Variants in SLIT3 observed in about 807,000 individuals in gnomAD.
The protein encoded by SLIT3 is slit homolog 3 protein.
Under a neutral mutation model 184.0 loss-of-function variants are expected in SLIT3, and 68 were observed. The ratio of observed to expected loss-of-function variants is 0.37; its 90% CI spans 0.30 to 0.45. The LOEUF is 0.45. SLIT3 is among the 20% of genes least tolerant of loss of function. SLIT3 has a pLI of 1.00. For synonymous variants in SLIT3, 831 were observed against 828.6 expected, an observed-to-expected ratio of 1.00 and a Z score of -0.05; for missense variants, 1,707 against 2,026.0, an observed-to-expected ratio of 0.84 and a Z score of 3.02.
At chr5:169,081,364 A>G (rs1390286539) in intron 4 of SLIT3, among the ~76,000 whole-genome samples, 1 of 152,154 alleles carries the variant, frequency 6.6e-6, no homozygotes, top group Non-Finnish European at 1.5e-5. Context: ...CCTGGGCCAA[A>G]TGGAACCAGA....
intron 4 of SLIT3, among the ~76,000 whole-genome samples, chr5:169,003,954 C>G (rs1755816337): frequency 6.6e-6 from 1 of 152,110 alleles, no homozygotes; most frequent in Admixed American, 6.5e-5. Context: ...GGTTCCTCTT[C>G]CATAAAAAAC....
rs140643965 is a variant in SLIT3, at chr5:168,806,485, A to G, written c.896T>C (p.Met299Thr). ...NIVDCRGKGL[M>T]EIPANLPEGI... is the part of the protein sequence containing the mutation. ...CTCCGGCAAGTTGGCAGGAATCTCC[A>G]TCAAGCCCTTTCCTCGACAGTCCAC... Residue 299 changes from methionine to threonine, a missense_variant, in exon 9 of 36, where the codon ATG becomes ACG. Met to Thr is a moderately conservative substitution (Grantham distance 81). Around this residue, in one of 3 missense-constraint regions of SLIT3, gnomAD observed 1,307 missense variants for 1,511.6 expected, o/e 0.86. Transcript: ENST00000519560. The G allele has an allele frequency of 1.5e-4, 247 of 1,614,082 alleles. No homozygotes were observed. Among genetic ancestry groups the G allele is most frequent in the Admixed American group, 7.5e-4 (45 of 60,006 alleles).
At chr5:168,822,508 T>G (rs1757564569) in intron 7 of SLIT3, among the ~76,000 whole-genome samples, 2 of 152,264 alleles carry the variant, frequency 1.3e-5, no homozygotes, top group South Asian at 4.1e-4. Context: ...GTATCAAGTC[T>G]GAACCTCTCT....
At chr5:168,795,725 C>T in intron 9 of SLIT3, 147 bp from the exon 10 acceptor site, 1 of 669,416 alleles carries the variant, frequency 1.5e-6, no homozygotes, top group South Asian at 1.7e-5. Context: ...AGACAAAACA[C>T]TGCAGCAGTC....
At chr5:168,826,483 G>A (rs2113676587) in intron 6 of SLIT3, among the ~76,000 whole-genome samples, 1 of 152,330 alleles carries the variant, frequency 6.6e-6, no homozygotes, top group East Asian at 1.9e-4. Context: ...ATTCAATGAA[G>A]GAATTGTTGT....
chr5:169,284,300 C>G (rs1473715313), intron 1 of SLIT3, among the ~76,000 whole-genome samples: 1 of 152,210 alleles, frequency 6.6e-6, no homozygotes, highest in Non-Finnish European at 1.5e-5. Flanking sequence ...CTGTCCCGGG[C>G]AGCTTACCTG....
chr5:168,734,046 T>G (rs960015987), intron 20 of SLIT3, among the ~76,000 whole-genome samples: 1 of 152,020 alleles, frequency 6.6e-6, no homozygotes, highest in Non-Finnish European at 1.5e-5. Flanking sequence ...GGTAGGAGGG[T>G]GCTGAGGGCT....
intron 4 of SLIT3, among the ~76,000 whole-genome samples, chr5:168,999,380 T>G (rs551174713): frequency 4.9e-4 from 74 of 152,264 alleles, no homozygotes; most frequent in African/African-American, 1.7e-3. Flanking sequence ...TCTGATTGGA[T>G]AAACAGTAAT....
intron 4 of SLIT3, among the ~76,000 whole-genome samples, chr5:169,147,866 C>T (rs948453923): frequency 3.9e-5 from 6 of 152,210 alleles, no homozygotes; most frequent in African/African-American, 1.2e-4. Flanking sequence ...ACCCCACCTA[C>T]TGCCATGAAA....
intron 4 of SLIT3, among the ~76,000 whole-genome samples, chr5:169,139,992 C>T (rs1200801073): frequency 6.6e-6 from 1 of 152,140 alleles, no homozygotes. Flanking sequence ...TGGCCTGCTG[C>T]CACCTCTCCA....
At chr5:168,959,150 G>T (rs546465523) in intron 4 of SLIT3, among the ~76,000 whole-genome samples, 11 of 152,368 alleles carry the variant, frequency 7.2e-5, no homozygotes, top group Admixed American at 3.3e-4. Flanking sequence ...ATAGCATGTA[G>T]AAATGGCGAA....
At chr5:169,210,756 A>G (rs912074419) in intron 3 of SLIT3, among the ~76,000 whole-genome samples, 1 of 150,934 alleles carries the variant, frequency 6.6e-6, no homozygotes, top group African/African-American at 2.5e-5. Flanking sequence ...GGCAAATGGG[A>G]TGAAGACAGT....
intron 16 of SLIT3, 83 bp from the exon 17 acceptor site, chr5:168,754,090 G>C: frequency 6.9e-7 from 1 of 1,440,014 alleles, no homozygotes; most frequent in Non-Finnish European, 9.3e-7. Context: ...CCCTGCAGCT[G>C]CTGGGGACTC....
At chr5:168,685,102 A>T (rs1463843455) in intron 31 of SLIT3, among the ~76,000 whole-genome samples, 1 of 152,076 alleles carries the variant, frequency 6.6e-6, no homozygotes, top group Non-Finnish European at 1.5e-5. Flanking sequence ...GGCATGCACC[A>T]CCACGCCCTG....
At chr5:168,924,506 G>A (rs566372371) in intron 4 of SLIT3, among the ~76,000 whole-genome samples, 3 of 135,166 alleles carry the variant, frequency 2.2e-5, no homozygotes, top group African/African-American at 9.8e-5. Context: ...GTGTGTGTGT[G>A]TATGTGTGTG....
intron 12 of SLIT3, among the ~76,000 whole-genome samples, chr5:168,783,135 GC>G (rs1259494923): frequency 6.6e-6 from 1 of 152,158 alleles, no homozygotes; most frequent in Non-Finnish European, 1.5e-5. Flanking sequence ...TGTGCTTGGA[GC>G]CCTGATGTTC....
intron 4 of SLIT3, among the ~76,000 whole-genome samples, chr5:168,933,990 A>G (rs1376831502): frequency 6.6e-6 from 1 of 152,076 alleles, no homozygotes; most frequent in African/African-American, 2.4e-5. Context: ...TGCTTGCCCA[A>G]TTCCTCCCTT....
At chr5:168,785,637 G>A (rs182067895) in intron 12 of SLIT3, among the ~76,000 whole-genome samples, 1 of 152,296 alleles carries the variant, frequency 6.6e-6, no homozygotes, top group East Asian at 1.9e-4. Context: ...TCTATCCCCA[G>A]ACCCTGTGCT....
intron 4 of SLIT3, among the ~76,000 whole-genome samples, chr5:169,070,617 T>G (rs1758510001): frequency 2.6e-5 from 4 of 152,074 alleles, no homozygotes; most frequent in Admixed American, 2.6e-4. Flanking sequence ...CAGCTAATGT[T>G]TGCCAACTGG....
Sources: gnomAD v4.1 joint callset for allele counts (sites outside exome capture counted in the v4.1 genomes callset) on GRCh38, gnomAD v4.1.1 for gene constraint, gnomAD v4.1.1 regional missense constraint, MANE v1.5 for transcripts, NCBI Gene and HGNC (gene_info 2026-07-23, HGNC 2026-07-21) for gene names.